Variants in EMC2 observed in about 807,000 individuals in gnomAD.
The protein encoded by EMC2 is ER membrane protein complex subunit 2.
EMC2 carries 37 observed loss-of-function variants against 51.6 expected under a neutral mutation model. The ratio of observed to expected loss-of-function variants is 0.72; its 90% confidence interval spans 0.55 to 0.94. The LOEUF (loss-of-function observed/expected upper bound fraction) is 0.94, where lower values mean the gene tolerates loss of function less well. Among genes scored for constraint, EMC2 ranks in the 40% least tolerant of loss-of-function variants. EMC2 has a pLI of 0.00. For missense variants in EMC2, 359 were observed against 350.9 expected, an observed-to-expected ratio of 1.02 and a Z score of -0.18; for synonymous variants, 131 against 112.4, an observed-to-expected ratio of 1.17 and a Z score of -1.04.
At chr8:108,472,849 G>A (rs1442924599) in intron 7 of EMC2, among the ~76,000 whole-genome samples, 1 of 151,912 alleles carries the variant, frequency 6.6e-6, no homozygotes, top group Non-Finnish European at 1.5e-5. Context: ...AGTATAATAG[G>A]TCGCAGGCAG....
chr8:108,485,522 AC>A (rs1382003818), intron 10 of EMC2, among the ~76,000 whole-genome samples: 3 of 126,806 alleles, frequency 2.4e-5, no homozygotes, highest in Non-Finnish European at 4.8e-5. Context: ...TAATATATAT[AC>A]ATATATATAA....
chr8:108,468,840 C>G (rs1810792911), intron 5 of EMC2, among the ~76,000 whole-genome samples: 1 of 152,148 alleles, frequency 6.6e-6, no homozygotes, highest in Non-Finnish European at 1.5e-5. Flanking sequence ...ACAGTATGCT[C>G]CAGTCCCTGA....
rs188902298 is a variant in EMC2, at chr8:108,480,846, C to T, written c.807+1736C>T. On this transcript the variant is annotated intron_variant, in intron 10 of 10. Transcript: ENST00000220853. ...ATTTTAGAAATTTTAAGATATTAGA[C>T]GGTTAGACTTGTCTAATCTCACATT... Among the ~76,000 whole-genome samples, 26 of 152,194 alleles carry T rather than the reference C, an allele frequency of 1.7e-4. No homozygotes were observed. The East Asian group carries it at 2.3e-3, about 14-fold the overall frequency.
At chr8:108,462,380 T>A (rs182865849) in intron 5 of EMC2, among the ~76,000 whole-genome samples, 1 of 152,318 alleles carries the variant, frequency 6.6e-6, no homozygotes, top group Non-Finnish European at 1.5e-5. Flanking sequence ...CTTGTCTTGA[T>A]GAAAAAGTTT....
At position 108,455,876 on chromosome 8, in the gene EMC2, T is replaced by C. The variant is rs1819139178; in HGVS notation, c.309T>C (p.Tyr103=). 3.4e-6 allele frequency: 4 copies of C among 1,188,082 alleles called. No homozygotes were observed. Among genetic ancestry groups the C allele is most frequent in the South Asian group, 2.9e-5 (2 of 68,450 alleles). 73.6% of individuals were successfully genotyped at this position (1,188,082 alleles called of 1,614,324 possible). A position where few individuals can be genotyped will look rare whatever the true frequency, so the allele number is the denominator to read the frequency against. The change falls in exon 5 of 11, where the codon TAT becomes TAC. Residue 103 remains tyrosine (Y), a synonymous_variant. Coordinates refer to ENST00000220853, the MANE Select transcript of EMC2 (RefSeq NM_014673.5). ...TGMRFEAMER[Y]DDAIQLYDRI... Reference sequence around the variant, plus strand: ...GTTTCTTTTTCTTTTTAAATAGATATGATGATGCTATACAGCTATATGATA... The same window carrying C: ...GTTTCTTTTTCTTTTTAAATAGATACGATGATGCTATACAGCTATATGATA...
In EMC2 at chr8:108,480,238, A is replaced by G. The variant is rs371025491; in HGVS notation, c.807+1128A>G. On this transcript the variant is annotated intron_variant, in intron 10 of 10. Transcript: ENST00000220853. Reference sequence around the variant, plus strand: ...TATGTCCTTTATTCATTTTCTTTCAAATTATTTTGTCATTTTCTGTATTTT... The same window carrying G: ...TATGTCCTTTATTCATTTTCTTTCAGATTATTTTGTCATTTTCTGTATTTT... Among the ~76,000 whole-genome samples, 5 of 151,682 alleles carry G rather than the reference A, an allele frequency of 3.3e-5. No homozygotes were observed. In the East Asian group the frequency reaches 5.8e-4, roughly 18 times the overall value.
rs142362603 is a variant in EMC2, at chr8:108,453,949, C to T, written c.305+802C>T. 5.3e-4 allele frequency among the ~76,000 whole-genome samples: 81 copies of T among 152,046 alleles called. 1 individual carries two copies. In the East Asian group the frequency reaches 0.016, roughly 29 times the overall value. On this transcript the variant is annotated intron_variant, in intron 4 of 10. Coordinates refer to ENST00000220853, the MANE Select transcript of EMC2 (RefSeq NM_014673.5). ...TGTTGTGTTTTTCTTGAGAATGAGCCCTTTATATTATGTAATGCCTGTCTT... is the reference window on the plus strand; with the variant it reads ...TGTTGTGTTTTTCTTGAGAATGAGCTCTTTATATTATGTAATGCCTGTCTT...
At chr8:108,483,859 C>G (rs1811089481) in intron 10 of EMC2, among the ~76,000 whole-genome samples, 1 of 151,984 alleles carries the variant, frequency 6.6e-6, no homozygotes, top group African/African-American at 2.4e-5. Flanking sequence ...TTCTTGATAA[C>G]TAGGTAAATC....
At chr8:108,477,004 TG>T (rs1356948617) in intron 9 of EMC2, 112 bp downstream of exon 9, 4 of 566,664 alleles carry the variant, frequency 7.1e-6, no homozygotes, top group Non-Finnish European at 1.3e-5. Context: ...TTGATAAGCA[TG>T]TTTTTTTCTG....
rs988569933 is a variant in EMC2 at position 108,469,872 on chromosome 8, A to G, written c.410A>G (p.Asn137Ser). 3.7e-6 allele frequency: 6 copies of G among 1,613,452 alleles called. No homozygotes were observed. The Admixed American group carries it at 6.7e-5, about 18-fold the overall frequency. The stretch of plus-strand genomic sequence containing the variant: ...GCCATTCGAAAAGCCCAGGGGAAAA[A>G]TGTGGAGGCCATTCGGGAGCTGAAT... ...KIAIRKAQGKNVEAIRELNEY... is the reference protein window; with the variant it reads ...KIAIRKAQGKSVEAIRELNEY... The change falls in exon 6 of 11, where the codon AAT becomes AGT. Residue 137 changes from asparagine (N) to serine (S), a missense_variant. Asn to Ser is a conservative substitution (Grantham distance 46). Transcript: ENST00000220853.
At chr8:108,450,543 C>A (rs772132488) in intron 3 of EMC2, 51 bp downstream of exon 3, 3 of 1,080,174 alleles carry the variant, frequency 2.8e-6, no homozygotes, top group South Asian at 1.2e-5. Context: ...AATTGTATAC[C>A]GTAGTTAAGA....
intron 5 of EMC2, among the ~76,000 whole-genome samples, chr8:108,458,993 C>T (rs1819238906): frequency 6.6e-6 from 1 of 152,100 alleles, no homozygotes. Context: ...TACCAGATAC[C>T]CTAAATCATC....
At position 108,448,193 on chromosome 8, in the gene EMC2, C is replaced by T. The variant is rs138694630; in HGVS notation, c.41-1630C>T. ...TTATATATATTTTATGTAATCTTAA[C>T]TGCTCATCCCTGAGCTAAAGGTAAT... is the stretch of plus-strand genomic sequence containing the variant. On this transcript the variant is annotated intron_variant, in intron 1 of 10. Transcript: ENST00000220853. Among the ~76,000 whole-genome samples, 40 of 152,308 alleles carry T rather than the reference C, an allele frequency of 2.6e-4. No homozygotes were observed. In the East Asian group the frequency reaches 6.8e-3, roughly 26 times the overall value.
chr8:108,464,964 C>T (rs1196024591), intron 5 of EMC2, among the ~76,000 whole-genome samples: 1 of 152,104 alleles, frequency 6.6e-6, no homozygotes, highest in Non-Finnish European at 1.5e-5. Flanking sequence ...TGTCCAGTTC[C>T]TTCTGGGTCC....
rs1368936755 is a variant in EMC2 at position 108,475,986 on chromosome 8, C to T, written c.591+23C>T. On this transcript the variant is annotated intron_variant, in intron 8 of 10. Transcript: ENST00000220853. Reference sequence around the variant, plus strand: ...GAAGTAAGTGTTTTCAGAACAATGGCATATAATTTTATTTTGGTTACTATT... The same window carrying T: ...GAAGTAAGTGTTTTCAGAACAATGGTATATAATTTTATTTTGGTTACTATT... 2.2e-6 allele frequency: 3 copies of T among 1,336,950 alleles called. No homozygotes were observed. In the South Asian group the frequency reaches 4.0e-5, roughly 18 times the overall value. The allele number at this position is 1,336,950 out of a possible 1,614,324, so 82.8% of individuals were successfully genotyped here.
intron 7 of EMC2, chr8:108,474,554 TACAC>T (rs34518937): frequency 0.68 from 102,462 of 150,256 alleles, 35,349 homozygotes; most frequent in African/African-American, 0.81. Context: ...TGGATGAGAG[TACAC>T]ACACACACAC....
In EMC2 at chr8:108,488,011, A is replaced by G. The variant is rs372019398; in HGVS notation, c.*1413A>G. 2.7e-3 allele frequency among the ~76,000 whole-genome samples: 415 copies of G among 152,176 alleles called. 1 individual carries two copies. Among genetic ancestry groups the G allele is most frequent in the African/African-American group, 9.6e-3 (398 of 41,510 alleles). On this transcript the variant is annotated 3_prime_UTR_variant, in exon 11 of 11. Coordinates refer to ENST00000220853, the MANE Select transcript of EMC2 (RefSeq NM_014673.5). ...ACATGATGAACCATTTGAAATTTACATTTTCTGTAAAGAAAATAGTGCCTG... is the reference window on the plus strand; with the variant it reads ...ACATGATGAACCATTTGAAATTTACGTTTTCTGTAAAGAAAATAGTGCCTG...
intron 7 of EMC2, among the ~76,000 whole-genome samples, chr8:108,471,901 C>T (rs911422363): frequency 4.6e-5 from 7 of 151,948 alleles, no homozygotes; most frequent in Non-Finnish European, 1.0e-4. Context: ...TGCACACCAG[C>T]ATTTACTAGA....
chr8:108,479,621 T>C (rs757374253), intron 10 of EMC2, among the ~76,000 whole-genome samples: 4 of 152,174 alleles, frequency 2.6e-5, no homozygotes, highest in Non-Finnish European at 4.4e-5. Context: ...AAATTATTTT[T>C]CGTTAGAAAT....
Sources: gnomAD v4.1 joint callset for allele counts (sites outside exome capture counted in the v4.1 genomes callset) on GRCh38, gnomAD v4.1.1 for gene constraint, MANE v1.5 for transcripts, NCBI Gene and HGNC (gene_info 2026-07-23, HGNC 2026-07-21) for gene names.